The following STARD13 variants were observed in gnomAD, a reference collection of about 807,000 sequenced individuals.
The protein encoded by STARD13 is StAR related lipid transfer domain containing 13.
Under a neutral mutation model 106.4 loss-of-function variants are expected in STARD13, and 62 were observed. That is an observed-to-expected ratio of 0.58 (90% CI 0.48 to 0.72). STARD13 has a LOEUF of 0.72. Ranked by LOEUF, STARD13 falls within the 30% of genes least tolerant of loss-of-function variation. The pLI, the probability that STARD13 is intolerant of heterozygous loss-of-function variation, is 0.00. For missense variants in STARD13, 1,387 were observed against 1,424.0 expected (o/e 0.97, Z 0.42); for synonymous variants, 565 against 553.0 (o/e 1.02, Z -0.31).
the STARD13 span, among the ~76,000 whole-genome samples, chr13:33,452,927 T>A: frequency 6.6e-6 from 1 of 152,340 alleles, no homozygotes; most frequent in Non-Finnish European, 1.5e-5. Flanking sequence ...AAAGAAACTA[T>A]GGGAAAGGGT....
intron 1 of STARD13, among the ~76,000 whole-genome samples, chr13:33,170,619 T>A (rs1263489754): frequency 1.3e-5 from 2 of 152,184 alleles, no homozygotes; most frequent in Non-Finnish European, 2.9e-5. Context: ...AAAACTGCAA[T>A]GAGTAAATAT....
At chr13:33,540,712 A>C in the STARD13 span, among the ~76,000 whole-genome samples, 1 of 152,262 alleles carries the variant, frequency 6.6e-6, no homozygotes, top group Non-Finnish European at 1.5e-5. Context: ...TTCTTGGCTT[A>C]TGCTCACAAT....
intron 1 of STARD13, among the ~76,000 whole-genome samples, chr13:33,212,999 A>C (rs1887813630): frequency 6.6e-6 from 1 of 152,210 alleles, no homozygotes; most frequent in Non-Finnish European, 1.5e-5. Flanking sequence ...AAGCAAATCA[A>C]GGCAATGTAC....
chr13:33,608,398 G>C, the STARD13 span, among the ~76,000 whole-genome samples: 1 of 152,084 alleles, frequency 6.6e-6, no homozygotes, highest in African/African-American at 2.4e-5. Context: ...TATTATGAAA[G>C]AGTAAATGGC....
the STARD13 span, among the ~76,000 whole-genome samples, chr13:33,397,983 G>C: frequency 3.9e-5 from 6 of 152,204 alleles, no homozygotes; most frequent in African/African-American, 1.4e-4. Context: ...TGGGGATAAG[G>C]ATTTCAGCAT....
the STARD13 span, among the ~76,000 whole-genome samples, chr13:33,440,609 T>A: frequency 6.6e-6 from 1 of 151,580 alleles, no homozygotes; most frequent in Non-Finnish European, 1.5e-5. Flanking sequence ...TACTTAAGTT[T>A]TATTTTGTCT....
At chr13:33,551,568 C>CTTTTTTTTTTTTTT in the STARD13 span, among the ~76,000 whole-genome samples, 221 of 44,794 alleles carry the variant, frequency 4.9e-3, 109 homozygotes, top group South Asian at 7.8e-3. Flanking sequence ...TTTGCTTTTC[C>CTTTTTTTTTTTTTT]CTTTTTTTTT....
At chr13:33,383,378 C>CA in the STARD13 span, among the ~76,000 whole-genome samples, 13 of 149,488 alleles carry the variant, frequency 8.7e-5, no homozygotes, top group South Asian at 6.3e-4. Context: ...GACCCTGTGT[C>CA]AAAAAAAAAG....
chr13:33,162,318 G>A (rs879176539), intron 3 of STARD13, among the ~76,000 whole-genome samples: 3 of 152,186 alleles, frequency 2.0e-5, no homozygotes, highest in Admixed American at 1.3e-4. Context: ...AGACTTCCAG[G>A]TCTATGATAG....
chr13:33,106,091 A>T lies in STARD13; in HGVS notation c.3225-381T>A, dbSNP rs192440248. Reference sequence around the variant, plus strand: ...ATGTAAGTTACTTACTTCTCAAAGAACTACCAGAGGGAGCAGCAAAAGGGG... The same window carrying T: ...ATGTAAGTTACTTACTTCTCAAAGATCTACCAGAGGGAGCAGCAAAAGGGG... On this transcript the variant is annotated intron_variant, in intron 13 of 13. Coordinates refer to ENST00000336934, the MANE Select transcript of STARD13 (RefSeq NM_178006.4). 2.9e-3 allele frequency among the ~76,000 whole-genome samples: 444 copies of T among 152,322 alleles called. 1 individual carries two copies. Among genetic ancestry groups the T allele is most frequent in the Non-Finnish European group, 5.0e-3 (341 of 68,020 alleles).
the STARD13 span, among the ~76,000 whole-genome samples, chr13:33,667,441 C>T: frequency 1.9e-4 from 29 of 152,338 alleles, no homozygotes; most frequent in Admixed American, 7.2e-4. Flanking sequence ...CTCATGTACT[C>T]ATTTTACTTT....
Position 33,127,265 on chromosome 13 carries a change from GGCAAT to G in STARD13, c.1922+103_1922+107del, listed in dbSNP as rs1472189273. ...TTATGTCCAGGAGATCATCAGTGAAGGCAATGAATGGGTTTTTCAGATATCACAAA... is the reference window on the plus strand; with the variant it reads ...TTATGTCCAGGAGATCATCAGTGAAGGAATGGGTTTTTCAGATATCACAAA... On this transcript the variant is annotated intron_variant, in intron 6 of 13. Coordinates refer to ENST00000336934, the MANE Select transcript of STARD13 (RefSeq NM_178006.4). 10 of 1,230,388 alleles carry G rather than the reference GGCAAT, an allele frequency of 8.1e-6. No individual in the cohort carries two copies. The African/African-American group carries it at 1.6e-4, about 19-fold the overall frequency. The allele number at this position is 1,230,388 out of a possible 1,614,324, so 76.2% of individuals were successfully genotyped here.
the STARD13 span, among the ~76,000 whole-genome samples, chr13:33,387,838 G>A: frequency 6.6e-6 from 1 of 152,206 alleles, no homozygotes; most frequent in South Asian, 2.1e-4. Flanking sequence ...TGTCCTTCAT[G>A]GACAAGGAGT....
At position 33,118,204 on chromosome 13, in the gene STARD13, A is replaced by G. The variant is rs371268953; in HGVS notation, c.2142T>C (p.Asn714=). 1 of 1,614,078 alleles carries G rather than the reference A, an allele frequency of 6.2e-7. No individual in the cohort carries two copies. The highest frequency in any genetic ancestry group is 1.3e-5 in the African/African-American group (1 of 74,924). ...AGTTGACGTTCTCAGGGAAGTTTTC[A>G]TTCATTTGGCGAAGGGCATGGATTC... The part of the protein sequence containing the change: ...KSRIHALRQM[N]ENFPENVNYE... Residue 714 remains asparagine, a synonymous_variant, in exon 8 of 14, where the codon AAT becomes AAC. Transcript: ENST00000336934.
At chr13:33,144,485 A>G (rs1041884512) in intron 3 of STARD13, among the ~76,000 whole-genome samples, 12 of 152,248 alleles carry the variant, frequency 7.9e-5, no homozygotes, top group African/African-American at 2.9e-4. Context: ...CACTGAAACC[A>G]GTTCTATTTC....
At chr13:33,252,796 C>T (rs73458244) in intron 1 of STARD13, among the ~76,000 whole-genome samples, 2,779 of 152,236 alleles carry the variant, frequency 0.018, 69 homozygotes, top group African/African-American at 0.062. Flanking sequence ...TTGGATTTGA[C>T]GCAAGTTGCA....
upstream of STARD13, chr13:33,285,761 G>T: frequency 6.7e-7 from 1 of 1,483,352 alleles, no homozygotes; most frequent in Non-Finnish European, 8.9e-7. Flanking sequence ...TTTTTAAAAA[G>T]AAAGAGGAGT....
the STARD13 span, among the ~76,000 whole-genome samples, chr13:33,457,874 G>T: frequency 1.3e-5 from 2 of 152,208 alleles, no homozygotes; most frequent in African/African-American, 4.8e-5. Context: ...AATTTTGAGG[G>T]TAACATAAGC....
At chr13:33,592,744 CTG>C in the STARD13 span, among the ~76,000 whole-genome samples, 1 of 152,184 alleles carries the variant, frequency 6.6e-6, no homozygotes, top group Non-Finnish European at 1.5e-5. Context: ...CAAGCATACA[CTG>C]AGAATTTGAG....
Sources: gnomAD v4.1 joint callset for allele counts (sites outside exome capture counted in the v4.1 genomes callset) on GRCh38, gnomAD v4.1.1 for gene constraint, MANE v1.5 for transcripts, NCBI Gene and HGNC (gene_info 2026-07-23, HGNC 2026-07-21) for gene names.